Variants in NLGN4Y observed in about 807,000 individuals in gnomAD.
NLGN4Y encodes the protein neuroligin 4 Y-linked.
In NLGN4Y, 4 loss-of-function variants were observed where a neutral mutation model predicts 8.4. The ratio of observed to expected loss-of-function variants is 0.48; its 90% CI spans 0.23 to 1.09. The LOEUF (loss-of-function observed/expected upper bound fraction) is 1.09. Ranked by LOEUF, NLGN4Y falls within the 50% of genes least tolerant of loss-of-function variation. The pLI, the probability that NLGN4Y is intolerant of heterozygous loss-of-function variation, is 0.19. For synonymous variants in NLGN4Y, 35 were observed against 75.6 expected, an observed-to-expected ratio of 0.46 and a Z score of 2.78; for missense variants, 90 against 192.3, an observed-to-expected ratio of 0.47 and a Z score of 3.15.
At chrY:14,747,026 G>C in intron 4 of NLGN4Y, among the ~76,000 whole-genome samples, 1 of 31,509 alleles carries the variant, frequency 3.2e-5, no homozygotes, top group East Asian at 8.5e-4. Flanking sequence ...TTAAGATTGA[G>C]AAACCTTGGT....
chrY:14,568,207 G>A, intron 1 of NLGN4Y, among the ~76,000 whole-genome samples: 7 of 32,487 alleles, frequency 2.2e-4, no homozygotes. Flanking sequence ...CCACCTATGA[G>A]TGAGAGGATG....
At position 14,844,767 on chromosome Y, in the gene NLGN4Y, C is replaced by T; in HGVS notation, c.*3505C>T. On this transcript the variant is annotated 3_prime_UTR_variant, in exon 7 of 7. Coordinates refer to ENST00000684976, the MANE Select transcript of NLGN4Y (RefSeq NM_001365588.1). ...GAAGGCACACAGGAGAATACATACA[C>T]ACACATATGCATATATGTATATATG... is the stretch of plus-strand genomic sequence containing the variant. 3.0e-5 allele frequency: 1 copy of T among 33,591 alleles called. No homozygotes were observed. Among genetic ancestry groups the T allele is most frequent in the Non-Finnish European group, 7.4e-5 (1 of 13,555 alleles). 8.4% of individuals were successfully genotyped at this position (33,591 alleles called of 400,897 possible). A position where few individuals can be genotyped will look rare whatever the true frequency, so the allele number is the denominator to read the frequency against.
intron 4 of NLGN4Y, among the ~76,000 whole-genome samples, chrY:14,805,416 G>A: frequency 3.0e-5 from 1 of 33,261 alleles, no homozygotes; most frequent in South Asian, 7.0e-4. Context: ...GGCTATTAAC[G>A]TGGAAGAGGG....
chrY:14,616,393 C>A (rs2080489047), intron 1 of NLGN4Y, among the ~76,000 whole-genome samples: 1 of 32,778 alleles, frequency 3.1e-5, no homozygotes, highest in African/African-American at 1.2e-4. Flanking sequence ...TTTCAAAAAA[C>A]CAGTTCCTGG....
intron 1 of NLGN4Y, among the ~76,000 whole-genome samples, chrY:14,608,444 A>G: frequency 6.0e-5 from 2 of 33,234 alleles, no homozygotes; most frequent in African/African-American, 2.4e-4. Context: ...TCCCAATACC[A>G]TTTATTAAAT....
chrY:14,562,326 C>T (rs2080231574), intron 1 of NLGN4Y, among the ~76,000 whole-genome samples: 1 of 33,530 alleles, frequency 3.0e-5, no homozygotes. Flanking sequence ...AATAGGGAGT[C>T]TTTTCCCCAC....
intron 2 of NLGN4Y, among the ~76,000 whole-genome samples, chrY:14,646,244 T>G: frequency 3.0e-5 from 1 of 33,806 alleles, no homozygotes; most frequent in Middle Eastern, 0.014. Context: ...ATATTCAAAA[T>G]GCAGCTGCTG....
intron 1 of NLGN4Y, among the ~76,000 whole-genome samples, chrY:14,591,443 A>C: frequency 3.0e-5 from 1 of 32,954 alleles, no homozygotes. Flanking sequence ...GAGTGATTGA[A>C]AGAGGGGATG....
chrY:14,547,441 T>A, intron 1 of NLGN4Y, among the ~76,000 whole-genome samples: 1 of 33,993 alleles, frequency 2.9e-5, no homozygotes, highest in Non-Finnish European at 7.3e-5. Flanking sequence ...AAGGTGTTAA[T>A]TGTAGGTGTC....
chrY:14,766,803 G>A lies in NLGN4Y; in HGVS notation c.685+43534G>A, dbSNP rs771898225. On this transcript the variant is annotated intron_variant, in intron 4 of 6. Coordinates refer to ENST00000684976, the MANE Select transcript of NLGN4Y (RefSeq NM_001365588.1). The stretch of plus-strand genomic sequence containing the variant: ...TTCTTCATCAGTCTTAGTAACAATA[G>A]GGCACTTTTTGCTTTTATGCCTCTC... Among the ~76,000 whole-genome samples, 5 of 33,128 alleles carry A rather than the reference G, an allele frequency of 1.5e-4. No individual in the cohort carries two copies. The East Asian group carries it at 3.9e-3, about 26-fold the overall frequency. 88.9% of individuals were successfully genotyped at this position (33,128 alleles called of 37,273 possible).
intron 2 of NLGN4Y, among the ~76,000 whole-genome samples, chrY:14,703,080 G>A (rs2080860469): frequency 3.0e-5 from 1 of 32,927 alleles, no homozygotes; most frequent in Non-Finnish European, 7.4e-5. Flanking sequence ...CAGATGGGTC[G>A]ATTGCAAAAA....
chrY:14,525,185 G>A (rs762427027), intron 1 of NLGN4Y, among the ~76,000 whole-genome samples: 1 of 34,246 alleles, frequency 2.9e-5, no homozygotes. Flanking sequence ...GGAAAACGAG[G>A]TGAACCCGGA....
intron 2 of NLGN4Y, among the ~76,000 whole-genome samples, chrY:14,688,288 T>C: frequency 6.0e-5 from 2 of 33,410 alleles, no homozygotes; most frequent in African/African-American, 1.2e-4. Flanking sequence ...ATAGTGTCGA[T>C]GGTATCTAAA....
chrY:14,546,982 G>T, intron 1 of NLGN4Y, among the ~76,000 whole-genome samples: 1 of 33,766 alleles, frequency 3.0e-5, no homozygotes. Flanking sequence ...AGTTTTTAGC[G>T]TGAAGAGTTG....
intron 4 of NLGN4Y, among the ~76,000 whole-genome samples, chrY:14,751,092 T>A: frequency 8.9e-5 from 3 of 33,856 alleles, no homozygotes; most frequent in African/African-American, 3.5e-4. Flanking sequence ...AATTCTTACA[T>A]GCTGCTATGT....
At chrY:14,677,990 G>A in intron 2 of NLGN4Y, among the ~76,000 whole-genome samples, 1 of 33,061 alleles carries the variant, frequency 3.0e-5, no homozygotes, top group African/African-American at 1.2e-4. Context: ...CTCCTAAAGT[G>A]CTGGGATTAC....
In NLGN4Y at chrY:14,591,612, T is replaced by A. The variant is rs200959984; in HGVS notation, c.-111-30397T>A. On this transcript the variant is annotated intron_variant, in intron 1 of 6. Coordinates refer to ENST00000684976, the MANE Select transcript of NLGN4Y (RefSeq NM_001365588.1). Reference sequence around the variant, plus strand: ...CTGAGAAGCAGAGAAGGCATCAGAATGGAGCTGTTTGGGTGACTCAAAAGT... The same window carrying A: ...CTGAGAAGCAGAGAAGGCATCAGAAAGGAGCTGTTTGGGTGACTCAAAAGT... Among the ~76,000 whole-genome samples the A allele has an allele frequency of 1.5e-3, 48 of 32,919 alleles. No homozygotes were observed. In the East Asian group the frequency reaches 0.04, roughly 27 times the overall value. The allele number at this position is 32,919 out of a possible 37,273, so 88.3% of individuals were successfully genotyped here.
intron 4 of NLGN4Y, among the ~76,000 whole-genome samples, chrY:14,783,903 G>A (rs2042951387): frequency 6.0e-5 from 2 of 33,461 alleles, no homozygotes; most frequent in Admixed American, 5.4e-4. Flanking sequence ...TCATCCCCAG[G>A]GTCTAATCAC....
At chrY:14,690,602 A>C (rs769879101) in intron 2 of NLGN4Y, among the ~76,000 whole-genome samples, 1 of 32,475 alleles carries the variant, frequency 3.1e-5, no homozygotes, top group East Asian at 8.4e-4. Flanking sequence ...AGTTGTCCTC[A>C]TTTTGGGTCA....
Sources: gnomAD v4.1 joint callset for allele counts (sites outside exome capture counted in the v4.1 genomes callset) on GRCh38, gnomAD v4.1.1 for gene constraint, MANE v1.5 for transcripts, NCBI Gene and HGNC (gene_info 2026-07-23, HGNC 2026-07-21) for gene names.